Variants in CXCR5 observed in about 807,000 individuals in gnomAD.
CXCR5 encodes C-X-C chemokine receptor type 5.
Under a neutral mutation model 5.6 loss-of-function variants are expected in CXCR5, and 3 were observed. That is an observed-to-expected ratio of 0.54 (90% CI 0.24 to 1.39). CXCR5 has a LOEUF of 1.39. Ranked by LOEUF, CXCR5 falls within the 40% of genes most tolerant of loss-of-function variation. CXCR5 has a pLI of 0.16. For synonymous variants in CXCR5, 218 were observed against 219.9 expected (o/e 0.99, Z 0.08); for missense variants, 333 against 494.6 (o/e 0.67, Z 3.10).
In CXCR5 at chr11:118,895,551, G is replaced by C. The variant is rs1939895111; in HGVS notation, c.*888G>C. The C allele has an allele frequency of 6.0e-6, 1 of 166,642 alleles. No homozygotes were observed. The highest frequency in any genetic ancestry group is 2.4e-5 in the African/African-American group (1 of 40,962). The allele number at this position is 166,642 out of a possible 1,614,324, so 10.3% of individuals were successfully genotyped here. ...GGGTGGAGAACTCCTAGGGTGGCTG[G>C]GTCCAGGGGATGGGAGGTTGTGGGC... On this transcript the variant is annotated 3_prime_UTR_variant, in exon 2 of 2. Coordinates refer to ENST00000292174, the MANE Select transcript of CXCR5 (RefSeq NM_001716.5). The surrounding 1 kb of genome is among the most constrained non-coding windows in gnomAD (Gnocchi z 4.2).
chr11:118,892,101 A>G, intron 1 of CXCR5, among the ~76,000 whole-genome samples: 1 of 152,056 alleles, frequency 6.6e-6, no homozygotes, highest in African/African-American at 2.4e-5. Context: ...CCTGAGCATT[A>G]GAGTAAAGAG....
At position 118,887,243 on chromosome 11, in the gene CXCR5, G is replaced by A. The variant is rs141799943; in HGVS notation, c.51+3251G>A. 7.6e-4 allele frequency: 748 copies of A among 985,370 alleles called. 2 individuals are homozygous for A. In the African/African-American group the frequency reaches 0.012, roughly 16 times the overall value. The allele number at this position is 985,370 out of a possible 1,614,324, so 61.0% of individuals were successfully genotyped here. ...TAGCAGAACGGCAGAAACAGTGGCC[G>A]CATATGTGGACCTAAGAATCAGGAC... is the stretch of plus-strand genomic sequence containing the variant. On this transcript the variant is annotated intron_variant, in intron 1 of 1. Coordinates refer to ENST00000292174, the MANE Select transcript of CXCR5 (RefSeq NM_001716.5).
At chr11:118,885,383 G>A (rs1328602570) in intron 1 of CXCR5, among the ~76,000 whole-genome samples, 1 of 152,170 alleles carries the variant, frequency 6.6e-6, no homozygotes, top group East Asian at 1.9e-4. Context: ...AACCTCGTGG[G>A]GGGTCCTGCT....
In CXCR5 at chr11:118,893,935, G is replaced by C. The variant is rs755436171; in HGVS notation, c.391G>C (p.Val131Leu). 1.2e-6 allele frequency: 2 copies of C among 1,613,928 alleles called. No homozygotes were observed. The highest frequency in any genetic ancestry group is 2.7e-5 in the African/African-American group (2 of 74,920). The change falls in exon 2 of 2, where the codon GTC (valine) becomes CTC (leucine). Residue 131 changes from valine (V) to leucine (L), a missense_variant. Physicochemically the swap from Val to Leu is conservative, Grantham distance 32. Transcript: ENST00000292174. The surrounding 1 kb of genome is among the most constrained non-coding windows in gnomAD (Gnocchi z 5.7). Reference protein sequence around the residue: ...LCKTVIALHKVNFYCSSLLLA... With the variant: ...LCKTVIALHKLNFYCSSLLLA... ...CAAAACTGTGATTGCCCTGCACAAA[G>C]TCAACTTCTACTGCAGCAGCCTGCT... is the stretch of plus-strand genomic sequence containing the variant.
intron 1 of CXCR5, among the ~76,000 whole-genome samples, chr11:118,891,227 T>C (rs577409823): frequency 6.6e-6 from 1 of 152,142 alleles, no homozygotes; most frequent in Non-Finnish European, 1.5e-5. Context: ...GGTCTTGAAC[T>C]CCTGGCTTCA....
At chr11:118,884,326 A>G (rs1939675807) in intron 1 of CXCR5, among the ~76,000 whole-genome samples, 1 of 152,190 alleles carries the variant, frequency 6.6e-6, no homozygotes, top group African/African-American at 2.4e-5. Flanking sequence ...TAGGGTCGGA[A>G]TATGGAACTA....
At chr11:118,890,607 G>C (rs1939794745) in intron 1 of CXCR5, among the ~76,000 whole-genome samples, 1 of 152,078 alleles carries the variant, frequency 6.6e-6, no homozygotes, top group African/African-American at 2.4e-5. Context: ...AAAGGCCGGG[G>C]GGTGGTCTAG....
At chr11:118,888,677 T>G (rs1939759000) in intron 1 of CXCR5, among the ~76,000 whole-genome samples, 1 of 152,252 alleles carries the variant, frequency 6.6e-6, no homozygotes, top group Admixed American at 6.5e-5. Context: ...TGGTCCTCCC[T>G]AACTTATCCC....
rs994925698 is a variant in CXCR5 at position 118,896,660 on chromosome 11, G to C, written c.*1997G>C. 6.5e-6 allele frequency: 1 copy of C among 152,960 alleles called. No homozygotes were observed. The highest frequency in any genetic ancestry group is 1.5e-5 in the Non-Finnish European group (1 of 68,244). 9.5% of individuals were successfully genotyped at this position (152,960 alleles called of 1,614,324 possible). A position where few individuals can be genotyped will look rare whatever the true frequency, so the allele number is the denominator to read the frequency against. ...AAGCGCTGGACCTGGCCGATGGTGG[G>C]CCGAGAGGACAGCACCAGGCTGGGA... On this transcript the variant is annotated 3_prime_UTR_variant, in exon 2 of 2. Transcript: ENST00000292174.
Position 118,893,507 on chromosome 11 carries a change from G to C in CXCR5, c.52-89G>C. 6.7e-7 allele frequency: 1 copy of C among 1,496,458 alleles called. No homozygotes were observed. Among genetic ancestry groups the C allele is most frequent in the Admixed American group, 2.3e-5 (1 of 43,460 alleles). The allele number at this position is 1,496,458 out of a possible 1,614,324, so 92.7% of individuals were successfully genotyped here. On this transcript the variant is annotated intron_variant, in intron 1 of 1. Coordinates refer to ENST00000292174, the MANE Select transcript of CXCR5 (RefSeq NM_001716.5). This position sits in a 1 kb window ranked among gnomAD's most constrained non-coding sequence, Gnocchi z 5.7. ...ACATTTGGTCAGTGGGCCCTATGTAGGAAAAAACCTCCAAGAGAGCTAGGG... is the reference window on the plus strand; with the variant it reads ...ACATTTGGTCAGTGGGCCCTATGTACGAAAAAACCTCCAAGAGAGCTAGGG...
At position 118,894,736 on chromosome 11, in the gene CXCR5, G is replaced by T. The variant is rs1359904705; in HGVS notation, c.*73G>T. On this transcript the variant is annotated 3_prime_UTR_variant, in exon 2 of 2. Transcript: ENST00000292174. The surrounding 1 kb of genome is among the most constrained non-coding windows in gnomAD (Gnocchi z 6.1). ...ATGCTGGATGCTCCTTCCAACAGGA[G>T]CTGGGATCCTAAGGGCTCACCGTGG... 2.1e-6 allele frequency: 3 copies of T among 1,436,326 alleles called. No individual in the cohort carries two copies. Among genetic ancestry groups the T allele is most frequent in the Non-Finnish European group, 2.8e-6 (3 of 1,078,200 alleles). The allele number at this position is 1,436,326 out of a possible 1,614,324, so 89.0% of individuals were successfully genotyped here.
chr11:118,891,475 G>A (rs1317201770), intron 1 of CXCR5, among the ~76,000 whole-genome samples: 1 of 152,110 alleles, frequency 6.6e-6, no homozygotes, highest in Non-Finnish European at 1.5e-5. Flanking sequence ...AAAGTGCTGG[G>A]ATTACAGGCC....
At chr11:118,892,969 G>A (rs1255534587) in intron 1 of CXCR5, among the ~76,000 whole-genome samples, 7 of 152,126 alleles carry the variant, frequency 4.6e-5, no homozygotes, top group African/African-American at 9.7e-5. Context: ...GATAAACGTC[G>A]GTTCACACAA....
In CXCR5 at chr11:118,884,122, G is replaced by A. The variant is rs941078779; in HGVS notation, c.51+130G>A. ...CTGTGGATCTGTAAAATCTAGACAG[G>A]TCAGTCAGCTCCCGCCCTTTAAGAG... On this transcript the variant is annotated intron_variant, in intron 1 of 1. Coordinates refer to ENST00000292174, the MANE Select transcript of CXCR5 (RefSeq NM_001716.5). 4.6e-5 allele frequency: 41 copies of A among 883,224 alleles called. No individual in the cohort carries two copies. In the African/African-American group the frequency reaches 6.3e-4, roughly 14 times the overall value. The allele number at this position is 883,224 out of a possible 1,614,324, so 54.7% of individuals were successfully genotyped here.
rs138967896 is a variant in CXCR5, at chr11:118,893,670, G to C, written c.126G>C (p.Glu42Asp). 3.7e-6 allele frequency: 6 copies of C among 1,613,724 alleles called. No homozygotes were observed. The highest frequency in any genetic ancestry group is 5.1e-6 in the Non-Finnish European group (6 of 1,179,638). ...LVENHLCPAT[E>D]GPLMASFKAV... ...AAAATCATCTCTGCCCTGCCACAGA[G>C]GGGCCCCTCATGGCCTCCTTCAAGG... Residue 42 changes from glutamate (E) to aspartate (D), a missense_variant, in exon 2 of 2, where the codon GAG becomes GAC. Physicochemically the swap from Glu to Asp is conservative, Grantham distance 45 (BLOSUM62 2). Transcript: ENST00000292174. This position sits in a 1 kb window ranked among gnomAD's most constrained non-coding sequence, Gnocchi z 5.7.
intron 1 of CXCR5, among the ~76,000 whole-genome samples, chr11:118,890,718 A>G (rs553489426): frequency 6.6e-6 from 1 of 152,364 alleles, no homozygotes; most frequent in South Asian, 2.1e-4. Flanking sequence ...GTCTTCCCAC[A>G]GGTCCATGGT....
chr11:118,887,268 C>T, intron 1 of CXCR5: 8 of 985,414 alleles, frequency 8.1e-6, no homozygotes, highest in Non-Finnish European at 8.4e-6. Context: ...AGAATCAGGA[C>T]ACAAGAATGA....
Position 118,894,674 on chromosome 11 carries a change from C to CCCCTTTTAT in CXCR5, c.*12_*20dup, listed in dbSNP as rs1442986001. ...CTCACCACGTTCTAGGTCCCAGTGTCCCCTTTTATTGCTGCTTTTCCTTGG... is the reference window on the plus strand; with the variant it reads ...CTCACCACGTTCTAGGTCCCAGTGTCCCCTTTTATCCCTTTTATTGCTGCTTTTCCTTGG... On this transcript the variant is annotated 3_prime_UTR_variant, in exon 2 of 2. Coordinates refer to ENST00000292174, the MANE Select transcript of CXCR5 (RefSeq NM_001716.5). This position sits in a 1 kb window ranked among gnomAD's most constrained non-coding sequence, Gnocchi z 6.1. 1.3e-6 allele frequency: 2 copies of CCCCTTTTAT among 1,505,780 alleles called. No homozygotes were observed. Among genetic ancestry groups the CCCCTTTTAT allele is most frequent in the Admixed American group, 2.3e-5 (1 of 43,634 alleles). The allele number at this position is 1,505,780 out of a possible 1,614,324, so 93.3% of individuals were successfully genotyped here.
Position 118,894,502 on chromosome 11 carries a change from A to G in CXCR5, c.958A>G (p.Met320Val). 6.2e-7 allele frequency: 1 copy of G among 1,604,518 alleles called. No homozygotes were observed. Among genetic ancestry groups the G allele is most frequent in the Non-Finnish European group, 8.5e-7 (1 of 1,173,800 alleles). The change falls in exon 2 of 2, where the codon ATG becomes GTG. Residue 320 changes from methionine to valine, a missense_variant. Physicochemically the swap from Met to Val is conservative, Grantham distance 21 (BLOSUM62 1). Coordinates refer to ENST00000292174, the MANE Select transcript of CXCR5 (RefSeq NM_001716.5). The surrounding 1 kb of genome is among the most constrained non-coding windows in gnomAD (Gnocchi z 6.1). ...CCTGGCCCACTGCTGCCTCAACCCC[A>G]TGCTCTACACTTTCGCCGGCGTGAA... The part of the protein sequence containing the change: ...LGLAHCCLNP[M>V]LYTFAGVKFR...
Sources: gnomAD v4.1 joint callset for allele counts (sites outside exome capture counted in the v4.1 genomes callset) on GRCh38, gnomAD v4.1.1 for gene constraint, Gnocchi (gnomAD v3.1) non-coding constraint, MANE v1.5 for transcripts, NCBI Gene and HGNC (gene_info 2026-07-23, HGNC 2026-07-21) for gene names.